CD99L2: variants seen among roughly 807,000 people sequenced by gnomAD.
CD99L2 encodes CD99 antigen-like protein 2.
Under a neutral mutation model 27.3 loss-of-function variants are expected in CD99L2, and 24 were observed. The ratio of observed to expected loss-of-function variants is 0.88; its 90% confidence interval spans 0.64 to 1.24. The LOEUF (loss-of-function observed/expected upper bound fraction) is 1.24. Ranked by LOEUF, CD99L2 falls within the 50% of genes most tolerant of loss-of-function variation. The pLI is 0.00. For missense variants in CD99L2, 255 were observed against 221.6 expected (o/e 1.15, Z -0.96); for synonymous variants, 97 against 87.9 (o/e 1.10, Z -0.58).
chrX:150,791,611 A>G lies in CD99L2; in HGVS notation c.496+2080T>C, dbSNP rs138936611. Among the ~76,000 whole-genome samples the G allele has an allele frequency of 6.3e-5, 7 of 111,662 alleles. No homozygotes were observed. The East Asian group carries it at 2.0e-3, about 32-fold the overall frequency. The stretch of plus-strand genomic sequence containing the variant: ...GGGGCTTGCATACTCTAGGGTATAC[A>G]TGGCAGGGGGGCCATGAGGAGTTGA... On this transcript the variant is annotated intron_variant, in intron 7 of 10. Transcript: ENST00000370377.
intron 4 of CD99L2, among the ~76,000 whole-genome samples, chrX:150,808,927 G>A (rs1230227031): frequency 1.8e-5 from 2 of 111,162 alleles, no homozygotes; most frequent in East Asian, 5.6e-4. Context: ...GAAAGGAAGA[G>A]CAGGAGAGTC....
intron 7 of CD99L2, among the ~76,000 whole-genome samples, chrX:150,779,669 T>C (rs2045477986): frequency 8.9e-6 from 1 of 112,485 alleles, no homozygotes; most frequent in Admixed American, 9.4e-5. Flanking sequence ...TGATGAGTCA[T>C]GGGCATAAAA....
intron 1 of CD99L2, 66 bp downstream of exon 1, chrX:150,898,456 G>C: frequency 1.1e-6 from 1 of 945,391 alleles, no homozygotes; most frequent in Admixed American, 4.7e-5. Context: ...CTCATGCGCA[G>C]AGCGACCCCT....
intron 3 of CD99L2, 97 bp downstream of exon 3, chrX:150,815,910 A>G (rs1203750710): frequency 3.5e-6 from 3 of 845,743 alleles, no homozygotes; most frequent in African/African-American, 4.0e-5. Flanking sequence ...TTCTGCACAC[A>G]TGGGGCTTAA....
intron 6 of CD99L2, 149 bp downstream of exon 6, chrX:150,795,057 A>C (rs2045770942): frequency 1.8e-6 from 1 of 542,381 alleles, no homozygotes; most frequent in Admixed American, 3.0e-5. Context: ...CAATGATTTC[A>C]GGAGTCCCCA....
chrX:150,786,989 G>T (rs981490108), intron 7 of CD99L2, among the ~76,000 whole-genome samples: 12 of 111,836 alleles, frequency 1.1e-4, no homozygotes, highest in African/African-American at 3.9e-4. Context: ...TTTTTCATAT[G>T]CTTGTTGGCC....
chrX:150,796,134 G>C (rs1341560964), intron 4 of CD99L2, among the ~76,000 whole-genome samples: 4 of 112,211 alleles, frequency 3.6e-5, no homozygotes, highest in Non-Finnish European at 7.5e-5. Context: ...AGTTAATAGA[G>C]GGAAAAGACA....
intron 1 of CD99L2, among the ~76,000 whole-genome samples, chrX:150,860,727 A>G (rs1345001331): frequency 8.9e-6 from 1 of 112,356 alleles, no homozygotes; most frequent in Non-Finnish European, 1.9e-5. Context: ...TAGTTACCAA[A>G]AAAAGTAAAA....
chrX:150,885,172 G>A (rs2047388922), intron 1 of CD99L2, among the ~76,000 whole-genome samples: 1 of 111,643 alleles, frequency 9.0e-6, no homozygotes, highest in Non-Finnish European at 1.9e-5. Flanking sequence ...AGGGGGCTGT[G>A]ACTGGGAGGG....
chrX:150,846,245 T>C (rs782438224), intron 1 of CD99L2, among the ~76,000 whole-genome samples: 2 of 112,214 alleles, frequency 1.8e-5, no homozygotes, highest in South Asian at 7.5e-4. Context: ...AGATACTACA[T>C]GTTTGTCAAA....
intron 1 of CD99L2, among the ~76,000 whole-genome samples, chrX:150,834,544 T>C (rs1557421146): frequency 2.7e-5 from 3 of 112,086 alleles, no homozygotes; most frequent in Non-Finnish European, 5.6e-5. Flanking sequence ...TCATCTTACA[T>C]CTGTTAGAAT....
chrX:150,776,735 C>A (rs1471026398), intron 8 of CD99L2, among the ~76,000 whole-genome samples: 1 of 112,111 alleles, frequency 8.9e-6, no homozygotes, highest in Non-Finnish European at 1.9e-5. Context: ...CTCCTTGTAG[C>A]TGCTGTGAAA....
intron 1 of CD99L2, among the ~76,000 whole-genome samples, chrX:150,865,754 C>T (rs916348947): frequency 4.0e-4 from 45 of 111,974 alleles, no homozygotes; most frequent in African/African-American, 1.4e-3. Context: ...CCTTAAACTC[C>T]ATCAGATGCA....
intron 1 of CD99L2, among the ~76,000 whole-genome samples, chrX:150,892,397 G>A (rs1557422869): frequency 9.2e-6 from 1 of 108,234 alleles, no homozygotes; most frequent in Non-Finnish European, 1.9e-5. Flanking sequence ...ACGAGGTCAG[G>A]AGATTGAGAC....
chrX:150,888,413 G>A (rs923260241), intron 1 of CD99L2, among the ~76,000 whole-genome samples: 5 of 111,816 alleles, frequency 4.5e-5, no homozygotes, highest in African/African-American at 1.6e-4. Flanking sequence ...ATCATGCTAA[G>A]TGAAATAAGC....
intron 1 of CD99L2, among the ~76,000 whole-genome samples, chrX:150,837,663 C>T (rs1056399431): frequency 8.9e-6 from 1 of 111,986 alleles, no homozygotes; most frequent in Non-Finnish European, 1.9e-5. Flanking sequence ...TTTTTCAGGA[C>T]GGATATTAGC....
chrX:150,872,540 G>A (rs1234536290), intron 1 of CD99L2, among the ~76,000 whole-genome samples: 1 of 80,483 alleles, frequency 1.2e-5, no homozygotes, highest in African/African-American at 5.2e-5. Context: ...ACCTCAATAT[G>A]TTAAAAAAAA....
chrX:150,844,859 CTGACAGGGTGA>C (rs782506176), intron 1 of CD99L2, among the ~76,000 whole-genome samples: 649 of 64,288 alleles, frequency 0.01, 6 homozygotes, highest in African/African-American at 0.048. Context: ...CACCCGGTCA[CTGACAGGGTGA>C]CTCTTCCAGT....
At chrX:150,819,198 T>C (rs1255520861) in intron 2 of CD99L2, 3 of 369,219 alleles carry the variant, frequency 8.1e-6, no homozygotes, top group African/African-American at 5.1e-5. Context: ...GGTCCAGGAA[T>C]GGCAAGACCA....
Sources: gnomAD v4.1 joint callset for allele counts (sites outside exome capture counted in the v4.1 genomes callset) on GRCh38, gnomAD v4.1.1 for gene constraint, MANE v1.5 for transcripts, NCBI Gene and HGNC (gene_info 2026-07-23, HGNC 2026-07-21) for gene names.